CFAP70: variants seen among roughly 807,000 people sequenced by gnomAD.
CFAP70 encodes the protein cilia and flagella associated protein 70, also known as cilia- and flagella-associated protein 70.
Under a neutral mutation model 137.6 loss-of-function variants are expected in CFAP70, and 81 were observed. The ratio of observed to expected loss-of-function variants is 0.59; its 90% CI spans 0.49 to 0.71. The LOEUF is 0.71. CFAP70 is among the 30% of genes least tolerant of loss of function. CFAP70 has a pLI of 0.00. For missense variants in CFAP70, 976 were observed against 1,226.7 expected (o/e 0.80, Z 3.05); for synonymous variants, 382 against 423.6 (o/e 0.90, Z 1.20).
upstream of CFAP70, among the ~76,000 whole-genome samples, chr10:73,360,537 C>T (rs937100803): frequency 2.6e-5 from 4 of 152,128 alleles, no homozygotes; most frequent in African/African-American, 9.7e-5. Flanking sequence ...ACACGCATAA[C>T]CACTCTCCCT....
At chr10:73,341,610 A>C in intron 5 of CFAP70, 29 bp from the exon 7 acceptor site, 1 of 1,582,326 alleles carries the variant, frequency 6.3e-7, no homozygotes, top group Admixed American at 1.8e-5. Context: ...TATGTCAGGA[A>C]AATTTGTAAA....
At chr10:73,310,057 C>A (rs2049779569) in intron 12 of CFAP70, 101 bp downstream of exon 13, 2 of 686,454 alleles carry the variant, frequency 2.9e-6, no homozygotes, top group Admixed American at 2.9e-5. Context: ...CCAGATAACT[C>A]CTGCTTAGCC....
chr10:73,343,291 A>T (rs557541527), intron 5 of CFAP70, among the ~76,000 whole-genome samples: 43 of 152,198 alleles, frequency 2.8e-4, no homozygotes, highest in Middle Eastern at 3.4e-3. Flanking sequence ...TACCCAAGGG[A>T]TAAGCTCATG....
chr10:73,345,158 C>A (rs150217808), intron 4 of CFAP70: 3 of 1,614,064 alleles, frequency 1.9e-6, no homozygotes, highest in Non-Finnish European at 2.5e-6. Context: ...CAGCCTCCAA[C>A]GTGACCTTCA....
At chr10:73,281,738 A>G (rs899987263) in intron 19 of CFAP70, among the ~76,000 whole-genome samples, 1 of 152,208 alleles carries the variant, frequency 6.6e-6, no homozygotes, top group Non-Finnish European at 1.5e-5. Flanking sequence ...CATGGAATCT[A>G]GCTAAGGTGC....
chr10:73,351,285 A>AT (rs1287900855), intron 3 of CFAP70, among the ~76,000 whole-genome samples: 2 of 150,076 alleles, frequency 1.3e-5, no homozygotes, highest in Non-Finnish European at 3.0e-5. Flanking sequence ...CACCCAGCTA[A>AT]TTTTTTGTAT....
intron 9 of CFAP70, among the ~76,000 whole-genome samples, chr10:73,321,417 CA>C (rs2050841131): frequency 6.6e-6 from 1 of 152,080 alleles, no homozygotes; most frequent in Admixed American, 6.6e-5. Context: ...GACTCCATCT[CA>C]AAAACAAATA....
At chr10:73,289,924 A>G (rs2048039328) in intron 19 of CFAP70, among the ~76,000 whole-genome samples, 1 of 151,948 alleles carries the variant, frequency 6.6e-6, no homozygotes, top group South Asian at 2.1e-4. Flanking sequence ...ACATATCTGT[A>G]GCTCCAGCTA....
chr10:73,303,775 G>A (rs1255869005), intron 12 of CFAP70, among the ~76,000 whole-genome samples: 3 of 152,128 alleles, frequency 2.0e-5, no homozygotes, highest in African/African-American at 7.2e-5. Flanking sequence ...TGTCATTAAG[G>A]ATACTGTTAT....
rs1301680639 is a variant in CFAP70, at chr10:73,316,475, TATATAGATATAG to T, written c.913-3844_913-3833del. ...ATTCCTTTGTTGAGATATATATATA[TATATAGATATAG>T]ATATATATATATATATATATATATA... On this transcript the variant is annotated intron_variant, in intron 9 of 26. Coordinates refer to ENST00000310715, the Ensembl canonical transcript of CFAP70. Among the ~76,000 whole-genome samples the T allele has an allele frequency of 4.3e-3, 498 of 116,234 alleles. 4 individuals are homozygous for T. Among genetic ancestry groups the T allele is most frequent in the African/African-American group, 0.016 (471 of 29,372 alleles). 76.3% of individuals were successfully genotyped at this position (116,234 alleles called of 152,430 possible).
At chr10:73,338,409 G>A (rs1040589071) in intron 6 of CFAP70, among the ~76,000 whole-genome samples, 5 of 141,804 alleles carry the variant, frequency 3.5e-5, no homozygotes, top group African/African-American at 7.9e-5. Flanking sequence ...TACAGCCACC[G>A]TACCTGGCTC....
Position 73,335,451 on chromosome 10 carries a change from AG to A in CFAP70, c.655del (p.Asp220IlefsTer20). Reference sequence around the variant, plus strand: ...TTACCTGACCACTGCAGAAGGATCAAGGTAGCAGCGACTTTCCAAGTCCCAA... The same window carrying A: ...TTACCTGACCACTGCAGAAGGATCAAGTAGCAGCGACTTTCCAAGTCCCAA... On this transcript the variant is annotated frameshift_variant, in exon 7 of 27. Coordinates refer to ENST00000310715, the Ensembl canonical transcript of CFAP70. LOFTEE classifies it high-confidence loss of function. 6.2e-7 allele frequency: 1 copy of A among 1,611,114 alleles called. No individual in the cohort carries two copies. Among genetic ancestry groups the A allele is most frequent in the Non-Finnish European group, 8.5e-7 (1 of 1,178,076 alleles).
chr10:73,281,106 A>G (rs1043379111), intron 19 of CFAP70, among the ~76,000 whole-genome samples: 11 of 152,164 alleles, frequency 7.2e-5, no homozygotes, highest in Admixed American at 1.3e-4. Flanking sequence ...TGCTATCATT[A>G]TCATTAAGTT....
chr10:73,286,692 A>C (rs2047741171), intron 19 of CFAP70, among the ~76,000 whole-genome samples: 1 of 152,240 alleles, frequency 6.6e-6, no homozygotes, highest in Non-Finnish European at 1.5e-5. Context: ...GAGGAATTAA[A>C]GACACACACA....
At chr10:73,354,640 G>A (rs917487417) in intron 2 of CFAP70, 94 bp downstream of exon 2, 69 of 956,210 alleles carry the variant, frequency 7.2e-5, no homozygotes, top group Non-Finnish European at 1.1e-4. Context: ...CATAAAGCCA[G>A]GAGGTTTGGA....
At chr10:73,253,875 G>T in exon 27 of CFAP70, 1 of 913,496 alleles carries the variant, frequency 1.1e-6, no homozygotes, top group East Asian at 2.5e-5. Context: ...TTATAGTGAA[G>T]ATTCTTTCGT....
chr10:73,330,459 A>G (rs984668072), intron 8 of CFAP70, among the ~76,000 whole-genome samples: 7 of 152,058 alleles, frequency 4.6e-5, no homozygotes, highest in African/African-American at 1.7e-4. Flanking sequence ...CAAAAAAAAA[A>G]AAAAAAAAGT....
chr10:73,291,186 T>C, intron 19 of CFAP70, 40 bp downstream of exon 20: 1 of 1,595,944 alleles, frequency 6.3e-7, no homozygotes, highest in Non-Finnish European at 8.6e-7. Flanking sequence ...GGCAGTAATT[T>C]TTCTAATAGC....
intron 23 of CFAP70, among the ~76,000 whole-genome samples, chr10:73,273,402 T>A (rs1248523336): frequency 6.6e-6 from 1 of 152,266 alleles, no homozygotes; most frequent in Non-Finnish European, 1.5e-5. Flanking sequence ...ATCTCTGGAC[T>A]AAAAGGTATA....
Sources: gnomAD v4.1 joint callset for allele counts (sites outside exome capture counted in the v4.1 genomes callset) on GRCh38, gnomAD v4.1.1 for gene constraint, MANE v1.5 for transcripts, NCBI Gene and HGNC (gene_info 2026-07-23, HGNC 2026-07-21) for gene names.